Variants in SLC2A13 observed in about 807,000 individuals in gnomAD.
SLC2A13 encodes the protein solute carrier family 2 member 13.
A neutral mutation model predicts 64.4 loss-of-function variants in SLC2A13; 32 were observed. The observed-to-expected ratio is 0.50, with a 90% CI of 0.37 to 0.67. The LOEUF is 0.67. Among genes scored for constraint, SLC2A13 ranks in the 30% least tolerant of loss-of-function variants. The pLI, the probability that SLC2A13 is intolerant of heterozygous loss-of-function variation, is 0.00. For missense variants in SLC2A13, 743 were observed against 829.2 expected (o/e 0.90, Z 1.28); for synonymous variants, 338 against 327.1 (o/e 1.03, Z -0.36).
chr12:39,915,195 A>C (rs1473483486), intron 4 of SLC2A13, among the ~76,000 whole-genome samples: 1 of 152,036 alleles, frequency 6.6e-6, no homozygotes, highest in Non-Finnish European at 1.5e-5. Flanking sequence ...TGATATTATA[A>C]AACAAAATTT....
At chr12:40,030,516 T>TTA (rs1398994155) in intron 2 of SLC2A13, among the ~76,000 whole-genome samples, 1 of 151,980 alleles carries the variant, frequency 6.6e-6, no homozygotes, top group African/African-American at 2.4e-5. Context: ...TGAAAGCCTT[T>TTA]ATGTTTCATT....
rs1940028425 is a variant in SLC2A13, at chr12:39,758,448, G to A, written c.*1578C>T. On this transcript the variant is annotated 3_prime_UTR_variant, in exon 10 of 10. Transcript: ENST00000280871. ...CTCCAAATACAGTACCTTATTAGATGTTTAGAGCCATTTAAAAATGCATCA... is the reference window on the plus strand; with the variant it reads ...CTCCAAATACAGTACCTTATTAGATATTTAGAGCCATTTAAAAATGCATCA... The A allele has an allele frequency of 6.6e-6, 1 of 151,788 alleles. No individual in the cohort carries two copies. Among genetic ancestry groups the A allele is most frequent in the Admixed American group, 6.6e-5 (1 of 15,194 alleles). The allele number at this position is 151,788 out of a possible 1,614,324, so 9.4% of individuals were successfully genotyped here. A position where few individuals can be genotyped will look rare whatever the true frequency, so the allele number is the denominator to read the frequency against.
At chr12:39,798,503 AG>A (rs1263494160) in intron 7 of SLC2A13, among the ~76,000 whole-genome samples, 1 of 152,386 alleles carries the variant, frequency 6.6e-6, no homozygotes, top group East Asian at 1.9e-4. Context: ...TAGATCCCCA[AG>A]TAACTATTAA....
At position 39,943,190 on chromosome 12, in the gene SLC2A13, A is replaced by C. The variant is rs544346930; in HGVS notation, c.1034+8067T>G. Among the ~76,000 whole-genome samples, 93 of 151,750 alleles carry C rather than the reference A, an allele frequency of 6.1e-4. 1 individual carries two copies. Among genetic ancestry groups the C allele is most frequent in the Non-Finnish European group, 1.1e-3 (77 of 67,880 alleles). ...GCTCTCCTGTATGAGGTGTCTGTCG[A>C]CCCCTGCTGGGAGGTGTCTCCCAGT... On this transcript the variant is annotated intron_variant, in intron 4 of 9. Transcript: ENST00000280871.
intron 1 of SLC2A13, among the ~76,000 whole-genome samples, chr12:40,073,833 T>C (rs1234565019): frequency 1.3e-5 from 2 of 152,090 alleles, no homozygotes; most frequent in Admixed American, 6.6e-5. Flanking sequence ...GATTTTTCTG[T>C]AGTTTAAAAA....
In SLC2A13 at chr12:40,070,361, C is replaced by T. The variant is rs941074578; in HGVS notation, c.557-22151G>A. 2.0e-5 allele frequency among the ~76,000 whole-genome samples: 3 copies of T among 152,126 alleles called. 1 individual carries two copies. The highest frequency in any genetic ancestry group is 4.4e-5 in the Non-Finnish European group (3 of 68,032). On this transcript the variant is annotated intron_variant, in intron 1 of 9. Coordinates refer to ENST00000280871, the MANE Select transcript of SLC2A13 (RefSeq NM_052885.4). Reference sequence around the variant, plus strand: ...AACTGCTTTGTTCTGATTACAAGTTCACCAAACAACTTTCCATAAAGGTGT... The same window carrying T: ...AACTGCTTTGTTCTGATTACAAGTTTACCAAACAACTTTCCATAAAGGTGT...
intron 4 of SLC2A13, among the ~76,000 whole-genome samples, chr12:39,933,959 G>C (rs1052971411): frequency 6.6e-6 from 1 of 152,150 alleles, no homozygotes; most frequent in African/African-American, 2.4e-5. Context: ...TCTGTCTAAT[G>C]CCAGATAAAA....
At chr12:39,809,290 T>G (rs1942074035) in intron 7 of SLC2A13, among the ~76,000 whole-genome samples, 1 of 152,224 alleles carries the variant, frequency 6.6e-6, no homozygotes. Flanking sequence ...TTTACCAACA[T>G]CACATTGTCT....
At chr12:39,866,267 T>G (rs1205651379) in intron 5 of SLC2A13, among the ~76,000 whole-genome samples, 6 of 152,158 alleles carry the variant, frequency 3.9e-5, no homozygotes, top group Admixed American at 6.5e-5. Flanking sequence ...GTTTAAGACA[T>G]AGTAGGTGTG....
chr12:39,846,460 A>G (rs145106599), intron 6 of SLC2A13, among the ~76,000 whole-genome samples: 3,123 of 152,156 alleles, frequency 0.021, 45 homozygotes, highest in Non-Finnish European at 0.031. Flanking sequence ...TAACTTCTTC[A>G]TTTTTATTTT....
At chr12:39,845,345 G>C (rs932015257) in intron 6 of SLC2A13, among the ~76,000 whole-genome samples, 22 of 152,122 alleles carry the variant, frequency 1.4e-4, no homozygotes, top group African/African-American at 4.8e-4. Flanking sequence ...TATGCACCAA[G>C]AAAGAACCTT....
chr12:39,819,108 C>CAGA (rs1942419447), intron 7 of SLC2A13, among the ~76,000 whole-genome samples: 1 of 152,134 alleles, frequency 6.6e-6, no homozygotes, highest in African/African-American at 2.4e-5. Context: ...TCTGAGGCTT[C>CAGA]AGAAGTTATG....
intron 7 of SLC2A13, among the ~76,000 whole-genome samples, chr12:39,774,023 A>G (rs1940678920): frequency 6.6e-6 from 1 of 152,206 alleles, no homozygotes; most frequent in Non-Finnish European, 1.5e-5. Context: ...TCCCTAAGCT[A>G]TCACCTCAAA....
chr12:39,895,487 CTCAA>C (rs1167101615), intron 4 of SLC2A13, among the ~76,000 whole-genome samples: 1 of 25,326 alleles, frequency 3.9e-5, no homozygotes. Flanking sequence ...GAGACTCTGT[CTCAA>C]AAAAAAAAAA....
intron 7 of SLC2A13, among the ~76,000 whole-genome samples, chr12:39,784,827 A>G (rs746191002): frequency 4.6e-5 from 7 of 152,202 alleles, no homozygotes; most frequent in African/African-American, 7.2e-5. Context: ...GACTCTTGTT[A>G]TGTTTTAGCA....
At chr12:39,918,866 A>G (rs1592282642) in intron 4 of SLC2A13, among the ~76,000 whole-genome samples, 1 of 135,148 alleles carries the variant, frequency 7.4e-6, no homozygotes, top group South Asian at 2.4e-4. Context: ...AAAAAAAAAA[A>G]GGGTTAAAAA....
rs189289824 is a variant in SLC2A13, at chr12:39,914,041, A to C, written c.1034+37216T>G. Among the ~76,000 whole-genome samples, 690 of 152,152 alleles carry C rather than the reference A, an allele frequency of 4.5e-3. 11 individuals are homozygous for C. Among genetic ancestry groups the C allele is most frequent in the African/African-American group, 0.016 (648 of 41,482 alleles). ...CAATTTTAAATTAGTAATAAAAAGG[A>C]ATCTAAAAGCATGTCAGGAAAAAAA... On this transcript the variant is annotated intron_variant, in intron 4 of 9. Coordinates refer to ENST00000280871, the MANE Select transcript of SLC2A13 (RefSeq NM_052885.4).
intron 3 of SLC2A13, among the ~76,000 whole-genome samples, chr12:39,992,190 G>A (rs375331988): frequency 1.3e-5 from 2 of 152,082 alleles, no homozygotes; most frequent in South Asian, 2.1e-4. Context: ...TGAATGGGTG[G>A]GGGTCCAAAG....
intron 3 of SLC2A13, among the ~76,000 whole-genome samples, chr12:39,976,697 C>T (rs1946766221): frequency 6.6e-6 from 1 of 151,964 alleles, no homozygotes; most frequent in African/African-American, 2.4e-5. Context: ...CTGCCCCTGG[C>T]CATGTTTCAC....
Sources: allele counts gnomAD v4.1 joint callset (sites outside exome capture counted in the v4.1 genomes callset), GRCh38; gene constraint gnomAD v4.1.1; transcripts MANE v1.5; gene names NCBI Gene and HGNC (gene_info 2026-07-23, HGNC 2026-07-21).